Variants in NYAP2 observed in about 807,000 individuals in gnomAD.
NYAP2 encodes the protein neuronal tyrosine-phosphorylated phosphoinositide-3-kinase adaptor 2.
In NYAP2, 23 loss-of-function variants were observed where a neutral mutation model predicts 50.4. The observed-to-expected ratio is 0.46, with a 90% confidence interval of 0.33 to 0.65. The LOEUF (loss-of-function observed/expected upper bound fraction) is 0.65, where lower values mean the gene tolerates loss of function less well. Among genes scored for constraint, NYAP2 ranks in the 30% least tolerant of loss-of-function variants. The probability of loss-of-function intolerance (pLI) is 0.02; values close to 1 mark genes in which losing one functional copy is unlikely to be tolerated. For synonymous variants in NYAP2, 394 were observed against 365.2 expected (o/e 1.08, Z -0.90); for missense variants, 885 against 861.0 (o/e 1.03, Z -0.35).
rs144868225 is a variant in NYAP2, at chr2:225,501,603, G to A, written c.222-11768G>A. Among the ~76,000 whole-genome samples the A allele has an allele frequency of 2.8e-4, 43 of 152,230 alleles. No homozygotes were observed. The Middle Eastern group carries it at 0.01, about 36-fold the overall frequency. On this transcript the variant is annotated intron_variant, in intron 3 of 6. Coordinates refer to ENST00000636099, the Ensembl canonical transcript of NYAP2. ...TTGGCCGTTGGGATATCTGAAAACA[G>A]CATTCCATCATACATTTTTTTTTGT...
intron 5 of NYAP2, among the ~76,000 whole-genome samples, chr2:225,616,126 T>C (rs1300544094): frequency 6.6e-6 from 1 of 152,148 alleles, no homozygotes; most frequent in Non-Finnish European, 1.5e-5. Context: ...AAAACATCAT[T>C]TTATCTTGTT....
intron 5 of NYAP2, among the ~76,000 whole-genome samples, chr2:225,626,572 G>C (rs1239997685): frequency 6.6e-6 from 1 of 152,188 alleles, no homozygotes; most frequent in East Asian, 1.9e-4. Context: ...GGATAGCGTG[G>C]TTTGGCTGAA....
At chr2:225,630,346 G>A (rs574989376) in intron 6 of NYAP2, among the ~76,000 whole-genome samples, 6 of 152,298 alleles carry the variant, frequency 3.9e-5, no homozygotes, top group South Asian at 2.1e-4. Context: ...GTTCAGGGAC[G>A]TCAAGGACCC....
intron 3 of NYAP2, among the ~76,000 whole-genome samples, chr2:225,417,805 A>G (rs993953789): frequency 6.6e-6 from 1 of 152,118 alleles, no homozygotes; most frequent in East Asian, 1.9e-4. Flanking sequence ...TCCATATTAT[A>G]TTTTTCATTA....
At chr2:225,681,940 AC>A in the NYAP2 span, among the ~76,000 whole-genome samples, 1 of 151,990 alleles carries the variant, frequency 6.6e-6, no homozygotes, top group Admixed American at 6.6e-5. Flanking sequence ...CATTTGGAAG[AC>A]CCCCGGCAGA....
intron 4 of NYAP2, among the ~76,000 whole-genome samples, chr2:225,579,056 A>G (rs1036050299): frequency 6.6e-6 from 1 of 152,028 alleles, no homozygotes; most frequent in African/African-American, 2.4e-5. Context: ...GCGCGTGCAC[A>G]CACACACAGA....
intron 3 of NYAP2, among the ~76,000 whole-genome samples, chr2:225,503,957 T>TATTG (rs1235912697): frequency 6.6e-6 from 1 of 152,198 alleles, no homozygotes; most frequent in African/African-American, 2.4e-5. Flanking sequence ...AAACAAAATG[T>TATTG]ATTGATATGA....
chr2:225,668,858 G>T, the NYAP2 span, among the ~76,000 whole-genome samples: 1 of 151,536 alleles, frequency 6.6e-6, no homozygotes, highest in Non-Finnish European at 1.5e-5. Context: ...CATTCATTTG[G>T]GCTAGAAATT....
chr2:225,550,195 A>G (rs1324185260), intron 4 of NYAP2, among the ~76,000 whole-genome samples: 1 of 152,214 alleles, frequency 6.6e-6, no homozygotes, highest in Non-Finnish European at 1.5e-5. Context: ...AACATTTCTC[A>G]TCAGTAAATG....
chr2:225,580,137 G>A (rs1022891621), intron 4 of NYAP2, among the ~76,000 whole-genome samples: 2 of 152,178 alleles, frequency 1.3e-5, no homozygotes, highest in Non-Finnish European at 2.9e-5. Context: ...GAGGGTGGCA[G>A]GAAACAAGTT....
At chr2:225,668,398 T>C in the NYAP2 span, among the ~76,000 whole-genome samples, 2 of 152,198 alleles carry the variant, frequency 1.3e-5, no homozygotes, top group Non-Finnish European at 2.9e-5. Flanking sequence ...ATTTGTCTAC[T>C]CTATATACTC....
At chr2:225,473,722 T>C (rs1312414334) in intron 3 of NYAP2, among the ~76,000 whole-genome samples, 1 of 152,230 alleles carries the variant, frequency 6.6e-6, no homozygotes, top group Non-Finnish European at 1.5e-5. Flanking sequence ...CTTTGTCAGA[T>C]GAGTAGATTG....
rs61738635 is a variant in NYAP2, at chr2:225,513,647, C to A, written c.498C>A (p.Ser166Arg). Residue 166 changes from serine to arginine, a missense_variant, in exon 4 of 7, where the codon AGC becomes AGA. By Grantham distance (110) the Ser-to-Arg change is moderately radical (BLOSUM62 -1). Transcript: ENST00000636099. ...TCAGCAGCACTGCAGCCAGTAAGAG[C>A]GGGAAAACCCCTGAGAGGACTGAAG... The A allele has an allele frequency of 4.6e-6, 7 of 1,519,018 alleles. No individual in the cohort carries two copies. In the Admixed American group the frequency reaches 1.4e-4, roughly 29 times the overall value. The allele number at this position is 1,519,018 out of a possible 1,614,324, so 94.1% of individuals were successfully genotyped here.
At chr2:225,629,856 C>A (rs951689349) in intron 6 of NYAP2, among the ~76,000 whole-genome samples, 1 of 152,146 alleles carries the variant, frequency 6.6e-6, no homozygotes, top group Non-Finnish European at 1.5e-5. Flanking sequence ...CCCACTAGGC[C>A]CCACCTCCCA....
chr2:225,534,282 A>G (rs1288510040), intron 4 of NYAP2, among the ~76,000 whole-genome samples: 1 of 152,188 alleles, frequency 6.6e-6, no homozygotes, highest in East Asian at 1.9e-4. Context: ...GGGAATACTA[A>G]CCGTAGCCAT....
At chr2:225,468,765 T>C (rs1689964962) in intron 3 of NYAP2, among the ~76,000 whole-genome samples, 1 of 152,184 alleles carries the variant, frequency 6.6e-6, no homozygotes, top group Admixed American at 6.5e-5. Context: ...AGAGGAGGAA[T>C]AAGTCACTGA....
At chr2:225,405,055 C>CCA (rs1694917858) in intron 2 of NYAP2, among the ~76,000 whole-genome samples, 1 of 151,994 alleles carries the variant, frequency 6.6e-6, no homozygotes, top group Non-Finnish European at 1.5e-5. Context: ...TAAATGAAGA[C>CCA]CATGGATGCT....
chr2:225,677,220 AT>A, the NYAP2 span, among the ~76,000 whole-genome samples: 1 of 152,054 alleles, frequency 6.6e-6, no homozygotes, highest in Non-Finnish European at 1.5e-5. Context: ...CTAGAATATT[AT>A]TGGTGTATAA....
intron 3 of NYAP2, among the ~76,000 whole-genome samples, chr2:225,469,749 A>C (rs1030639915): frequency 6.6e-6 from 1 of 152,108 alleles, no homozygotes; most frequent in Admixed American, 6.6e-5. Context: ...CTAACACAAG[A>C]ACAATAAACA....
Sources: gnomAD v4.1 joint callset for allele counts (sites outside exome capture counted in the v4.1 genomes callset) on GRCh38, gnomAD v4.1.1 for gene constraint, MANE v1.5 for transcripts, NCBI Gene and HGNC (gene_info 2026-07-23, HGNC 2026-07-21) for gene names.